GPC5: variants seen among roughly 807,000 people sequenced by gnomAD.
The protein encoded by GPC5 is glypican 5.
GPC5 carries 47 observed loss-of-function variants against 53.9 expected under a neutral mutation model. The observed-to-expected ratio is 0.87, with a 90% CI of 0.69 to 1.11. The LOEUF is 1.11. GPC5 is among the 50% of genes most tolerant of loss of function. The pLI, the probability that GPC5 is intolerant of heterozygous loss-of-function variation, is 0.00. For missense variants in GPC5, 748 were observed against 713.1 expected (o/e 1.05, Z -0.56); for synonymous variants, 286 against 263.3 (o/e 1.09, Z -0.84).
intron 7 of GPC5, among the ~76,000 whole-genome samples, chr13:92,423,787 A>G (rs1038476469): frequency 1.3e-5 from 2 of 152,160 alleles, no homozygotes; most frequent in East Asian, 1.9e-4. Flanking sequence ...TTGCATAGCC[A>G]GAGAAGAGTT....
intron 7 of GPC5, among the ~76,000 whole-genome samples, chr13:92,477,383 A>G (rs1176727646): frequency 1.3e-5 from 2 of 152,144 alleles, no homozygotes; most frequent in East Asian, 3.9e-4. Context: ...CCAGTATCTG[A>G]TAGTGGGTGT....
rs1887578096 is a variant in GPC5 at position 92,697,071 on chromosome 13, A to G, written c.1562-169211A>G. Among the ~76,000 whole-genome samples the G allele has an allele frequency of 3.3e-5, 5 of 150,884 alleles. No individual in the cohort carries two copies. The South Asian group carries it at 1.1e-3, about 32-fold the overall frequency. ...CATTGGTCTATATATCTGTTTTGGT[A>G]GCAGTACCATGCTGTTTTGGTTACT... is the stretch of plus-strand genomic sequence containing the variant. On this transcript the variant is annotated intron_variant, in intron 7 of 7. Coordinates refer to ENST00000377067, the MANE Select transcript of GPC5 (RefSeq NM_004466.6).
intron 7 of GPC5, among the ~76,000 whole-genome samples, chr13:92,252,758 C>T (rs1431393725): frequency 2.6e-5 from 4 of 152,092 alleles, no homozygotes; most frequent in South Asian, 2.1e-4. Context: ...AAACAGCAAT[C>T]GAAAAGTTGT....
rs571740615 is a variant in GPC5 at position 92,585,603 on chromosome 13, A to G, written c.1562-280679A>G. ...CTGCAATGAGATAAGACTTTCTGGG[A>G]CCGTTGGGAAGGCATGATTGACTTT... On this transcript the variant is annotated intron_variant, in intron 7 of 7. Coordinates refer to ENST00000377067, the MANE Select transcript of GPC5 (RefSeq NM_004466.6). Among the ~76,000 whole-genome samples the G allele has an allele frequency of 1.8e-4, 28 of 152,256 alleles. 4 individuals are homozygous for G. Among genetic ancestry groups the G allele is most frequent in the African/African-American group, 6.5e-4 (27 of 41,548 alleles).
chr13:91,472,758 G>T (rs979256280), intron 2 of GPC5, among the ~76,000 whole-genome samples: 1 of 152,168 alleles, frequency 6.6e-6, no homozygotes, highest in Non-Finnish European at 1.5e-5. Flanking sequence ...ACAGTTTTCT[G>T]AAGGCTGAAT....
chr13:92,076,034 C>T (rs1414580031), intron 6 of GPC5, among the ~76,000 whole-genome samples: 1 of 151,650 alleles, frequency 6.6e-6, no homozygotes, highest in Non-Finnish European at 1.5e-5. Flanking sequence ...TGTGTGAGAT[C>T]AGATAAACCA....
chr13:92,536,152 G>A lies in GPC5; in HGVS notation c.1562-330130G>A, dbSNP rs182480519. Among the ~76,000 whole-genome samples the A allele has an allele frequency of 8.8e-4, 134 of 152,074 alleles. 1 individual carries two copies. The highest frequency in any genetic ancestry group is 2.5e-3 in the East Asian group (13 of 5,176). On this transcript the variant is annotated intron_variant, in intron 7 of 7. Coordinates refer to ENST00000377067, the MANE Select transcript of GPC5 (RefSeq NM_004466.6). ...AATGTGCATCGTCTCTAAGCCTTTC[G>A]TACACCAATATGCGGTATTATTCTT...
chr13:92,066,217 A>AGAG (rs2138859242), intron 6 of GPC5, among the ~76,000 whole-genome samples: 1 of 152,176 alleles, frequency 6.6e-6, no homozygotes, highest in South Asian at 2.1e-4. Context: ...ATGCTAAAGG[A>AGAG]CAAGGGCTGC....
intron 7 of GPC5, among the ~76,000 whole-genome samples, chr13:92,405,181 G>A (rs1875737723): frequency 1.3e-5 from 2 of 152,168 alleles, no homozygotes; most frequent in Admixed American, 6.5e-5. Context: ...TGTCCCAGCA[G>A]CTGAGAACAC....
chr13:91,640,753 C>T (rs533735560), intron 2 of GPC5, among the ~76,000 whole-genome samples: 4 of 149,716 alleles, frequency 2.7e-5, no homozygotes, highest in East Asian at 2.0e-4. Context: ...GAGCCAAGAT[C>T]GCACCACTGC....
At chr13:92,247,136 C>T (rs2042657505) in intron 7 of GPC5, among the ~76,000 whole-genome samples, 2 of 152,042 alleles carry the variant, frequency 1.3e-5, no homozygotes, top group African/African-American at 4.8e-5. Context: ...TATAATATGG[C>T]TTTGCCCTAA....
intron 7 of GPC5, among the ~76,000 whole-genome samples, chr13:92,863,277 G>A (rs1879237904): frequency 6.6e-6 from 1 of 152,112 alleles, no homozygotes; most frequent in African/African-American, 2.4e-5. Flanking sequence ...ACTGCTTATG[G>A]TCACTTAACT....
intron 7 of GPC5, among the ~76,000 whole-genome samples, chr13:92,213,665 A>G (rs1594002228): frequency 6.6e-6 from 1 of 152,296 alleles, no homozygotes; most frequent in Non-Finnish European, 1.5e-5. Context: ...AATCACAACA[A>G]AAATGTTGTG....
At chr13:91,920,718 G>T (rs1395081196) in intron 6 of GPC5, among the ~76,000 whole-genome samples, 1 of 152,100 alleles carries the variant, frequency 6.6e-6, no homozygotes, top group Admixed American at 6.6e-5. Context: ...ACAGGCATCA[G>T]ATTTGTAGCT....
chr13:91,700,327 C>T (rs1245173172), intron 3 of GPC5, among the ~76,000 whole-genome samples: 1 of 152,118 alleles, frequency 6.6e-6, no homozygotes, highest in Non-Finnish European at 1.5e-5. Flanking sequence ...GAAAGTGTTG[C>T]ATGATTATTT....
intron 7 of GPC5, among the ~76,000 whole-genome samples, chr13:92,856,464 T>G (rs1879002804): frequency 6.6e-6 from 1 of 151,978 alleles, no homozygotes; most frequent in Non-Finnish European, 1.5e-5. Flanking sequence ...CTACTCCTAT[T>G]CAATGTAATA....
At chr13:91,728,283 G>A (rs73607101) in intron 3 of GPC5, among the ~76,000 whole-genome samples, 4,351 of 152,078 alleles carry the variant, frequency 0.029, 222 homozygotes, top group African/African-American at 0.098. Context: ...CTGATTTTGC[G>A]TATCTTACAC....
intron 4 of GPC5, among the ~76,000 whole-genome samples, chr13:91,750,850 C>A (rs1170124013): frequency 6.6e-6 from 1 of 151,752 alleles, no homozygotes; most frequent in Non-Finnish European, 1.5e-5. Context: ...TTTGTAAAGA[C>A]GGGGTTTCTC....
At chr13:92,211,854 G>C (rs980771145) in intron 7 of GPC5, among the ~76,000 whole-genome samples, 2 of 152,132 alleles carry the variant, frequency 1.3e-5, no homozygotes, top group Admixed American at 1.3e-4. Flanking sequence ...CTATTGATTT[G>C]AATCAGGAAC....
Sources: allele counts gnomAD v4.1 joint callset (sites outside exome capture counted in the v4.1 genomes callset), GRCh38; gene constraint gnomAD v4.1.1; transcripts MANE v1.5; gene names NCBI Gene and HGNC (gene_info 2026-07-23, HGNC 2026-07-21).